Variants in ACLY observed in about 807,000 individuals in gnomAD.
ACLY encodes ATP-citrate synthase.
A neutral mutation model predicts 133.0 loss-of-function variants in ACLY; 41 were observed. The observed-to-expected ratio is 0.31, with a 90% CI of 0.24 to 0.40. ACLY has a LOEUF of 0.40. Among genes scored for constraint, ACLY ranks in the 10% least tolerant of loss-of-function variants. ACLY has a pLI of 1.00. For synonymous variants in ACLY, 495 were observed against 549.3 expected, an observed-to-expected ratio of 0.90 and a Z score of 1.38; for missense variants, 1,046 against 1,453.8, an observed-to-expected ratio of 0.72 and a Z score of 4.56.
intron 12 of ACLY, among the ~76,000 whole-genome samples, chr17:41,898,063 A>G (rs2049423745): frequency 6.6e-6 from 1 of 152,206 alleles, no homozygotes; most frequent in Non-Finnish European, 1.5e-5. Flanking sequence ...GTACTGGCTA[A>G]GGTTGCTCTC....
At chr17:41,876,743 C>T (rs1489096525) in intron 22 of ACLY, among the ~76,000 whole-genome samples, 4 of 152,090 alleles carry the variant, frequency 2.6e-5, no homozygotes, top group African/African-American at 9.7e-5. Context: ...TCACCACTCC[C>T]TAATCTCAAG....
chr17:41,875,854 C>T (rs1379372104), intron 22 of ACLY, among the ~76,000 whole-genome samples: 4 of 152,158 alleles, frequency 2.6e-5, no homozygotes, highest in South Asian at 2.1e-4. Flanking sequence ...AGCCTCTGCC[C>T]GGCCGCCACC....
chr17:41,918,957 G>A (rs1420067628), upstream of ACLY: 2 of 1,289,018 alleles, frequency 1.6e-6, no homozygotes, highest in African/African-American at 1.5e-5. Context: ...CCAGCAGCCG[G>A]TAGCTTCCCG....
chr17:41,918,153 G>C (rs887955505), intron 1 of ACLY, among the ~76,000 whole-genome samples: 1 of 152,220 alleles, frequency 6.6e-6, no homozygotes, highest in Non-Finnish European at 1.5e-5. Context: ...CCAGCCCCTT[G>C]AGGACCTTTC....
intron 4 of ACLY, 110 bp downstream of exon 4, chr17:41,910,112 C>T (rs1271775265): frequency 8.2e-6 from 9 of 1,103,222 alleles, no homozygotes; most frequent in Non-Finnish European, 1.2e-5. Context: ...TTCAGGGACC[C>T]TGGTCCCTCT....
intron 10 of ACLY, chr17:41,904,513 C>T (rs2049652180): frequency 3.5e-6 from 2 of 576,520 alleles, no homozygotes; most frequent in Non-Finnish European, 6.2e-6. Flanking sequence ...TATAGTTCAG[C>T]GTAGCAGCTG....
chr17:41,909,418 G>C lies in ACLY; in HGVS notation c.536+92C>G, dbSNP rs2049828006. On this transcript the variant is annotated intron_variant, in intron 5 of 28. Coordinates refer to ENST00000352035, the MANE Select transcript of ACLY (RefSeq NM_001096.3). ...CCGTGTCTACCACCTGGCTCCCAGA[G>C]AGGAGACCGCTCTGCTCTCCCCAGT... The C allele has an allele frequency of 2.1e-6, 3 of 1,418,598 alleles. No homozygotes were observed. In the South Asian group the frequency reaches 3.9e-5, roughly 18 times the overall value. The allele number at this position is 1,418,598 out of a possible 1,614,324, so 87.9% of individuals were successfully genotyped here. A position where few individuals can be genotyped will look rare whatever the true frequency, so the allele number is the denominator to read the frequency against.
intron 26 of ACLY, 84 bp downstream of exon 26, chr17:41,869,390 G>A: frequency 1.7e-6 from 2 of 1,173,220 alleles, no homozygotes; most frequent in Admixed American, 2.0e-5. Flanking sequence ...GCTTTTAGCT[G>A]CATAATCAAA....
In ACLY at chr17:41,884,213, T is replaced by C; in HGVS notation, c.2134A>G (p.Met712Val). The change falls in exon 19 of 29, where the codon ATG becomes GTG. Residue 712 changes from methionine to valine, a missense_variant. Met to Val is a conservative substitution (Grantham distance 21). Coordinates refer to ENST00000352035, the MANE Select transcript of ACLY (RefSeq NM_001096.3). ...CTCACCTCTCCAAGAACCACAATCATTTTGACTCCTGGAGTGTCCTGATAG... is the reference window on the plus strand; with the variant it reads ...CTCACCTCTCCAAGAACCACAATCACTTTGACTCCTGGAGTGTCCTGATAG... ...LRYQDTPGVK[M>V]IVVLGEIGGT... 1 of 1,610,170 alleles carries C rather than the reference T, an allele frequency of 6.2e-7. No individual in the cohort carries two copies. The highest frequency in any genetic ancestry group is 2.2e-5 in the East Asian group (1 of 44,856).
At position 41,893,219 on chromosome 17, in the gene ACLY, C is replaced by T. The variant is rs782229497; in HGVS notation, c.1460-45G>A. 2.7e-5 allele frequency: 42 copies of T among 1,581,942 alleles called. No homozygotes were observed. The African/African-American group carries it at 3.8e-4, about 14-fold the overall frequency. On this transcript the variant is annotated intron_variant, in intron 14 of 28. Transcript: ENST00000352035. Reference sequence around the variant, plus strand: ...AGAGTGCACCCAGAACACATACCCCCAGGAGACCTGCAGGGGCCAGGGCTG... The same window carrying T: ...AGAGTGCACCCAGAACACATACCCCTAGGAGACCTGCAGGGGCCAGGGCTG...
intron 11 of ACLY, among the ~76,000 whole-genome samples, chr17:41,899,486 C>T (rs977562050): frequency 2.6e-5 from 4 of 152,236 alleles, no homozygotes; most frequent in South Asian, 2.1e-4. Context: ...TCTCCCTCTG[C>T]GTGGAGCTCT....
intron 18 of ACLY, among the ~76,000 whole-genome samples, chr17:41,885,087 C>T (rs2049015454): frequency 6.6e-6 from 1 of 152,088 alleles, no homozygotes; most frequent in Non-Finnish European, 1.5e-5. Flanking sequence ...ACTGTGTTGC[C>T]TCAGCTAGTC....
At chr17:41,901,599 C>T in intron 11 of ACLY, 97 bp downstream of exon 11, 3 of 1,034,196 alleles carry the variant, frequency 2.9e-6, no homozygotes, top group Non-Finnish European at 4.4e-6. Context: ...GAGTAGAGAG[C>T]AAAAGAGCCT....
intron 1 of ACLY, among the ~76,000 whole-genome samples, chr17:41,915,320 G>C (rs1160202892): frequency 6.6e-6 from 1 of 152,140 alleles, no homozygotes; most frequent in Non-Finnish European, 1.5e-5. Context: ...CCAAAGCCCA[G>C]AAGCAAAGCT....
In ACLY at chr17:41,868,770, TTCA is replaced by T. The variant is rs1555624480; in HGVS notation, c.3147_3149del (p.Asp1049del). The T allele has an allele frequency of 1.2e-6, 2 of 1,613,928 alleles. No individual in the cohort carries two copies. Among genetic ancestry groups the T allele is most frequent in the Middle Eastern group, 1.6e-4 (1 of 6,062 alleles). On this transcript the variant is annotated inframe_deletion, in exon 28 of 29. Coordinates refer to ENST00000352035, the MANE Select transcript of ACLY (RefSeq NM_001096.3). The stretch of plus-strand genomic sequence containing the variant: ...CATTGAGGGCTCCAATGTCAATATA[TTCA>T]TCAGCTTCCTCCCTGCAACACACAT...
At chr17:41,884,323 G>T in intron 18 of ACLY, 49 bp from the exon 19 acceptor site, 2 of 1,278,276 alleles carry the variant, frequency 1.6e-6, no homozygotes, top group Non-Finnish European at 1.1e-6. Context: ...GGAGGCCTGG[G>T]GAAGTGTGTA....
chr17:41,905,447 G>A (rs2049685460), intron 9 of ACLY, 75 bp downstream of exon 9: 12 of 1,590,468 alleles, frequency 7.5e-6, no homozygotes, highest in East Asian at 2.2e-5. Flanking sequence ...CTCCTCAGAC[G>A]AAGCTGTCCC....
At chr17:41,913,636 C>T in intron 2 of ACLY, 79 bp downstream of exon 2, 1 of 1,480,044 alleles carries the variant, frequency 6.8e-7, no homozygotes. Flanking sequence ...ACCCTATCGG[C>T]ATCACCAACA....
chr17:41,873,016 C>T (rs902034977), intron 23 of ACLY, among the ~76,000 whole-genome samples: 25 of 152,310 alleles, frequency 1.6e-4, no homozygotes, highest in Admixed American at 4.6e-4. Context: ...TGCCCAGCAT[C>T]ACATTAAGCC....
Sources: allele counts gnomAD v4.1 joint callset (sites outside exome capture counted in the v4.1 genomes callset), GRCh38; gene constraint gnomAD v4.1.1; transcripts MANE v1.5; gene names NCBI Gene and HGNC (gene_info 2026-07-23, HGNC 2026-07-21).